The following RALGAPA1 variants were observed in gnomAD, a reference collection of about 807,000 sequenced individuals.
RALGAPA1 encodes Ral GTPase activating protein catalytic subunit alpha 1.
RALGAPA1 carries 52 observed loss-of-function variants against 269.6 expected under a neutral mutation model. The observed-to-expected ratio is 0.19, with a 90% CI of 0.15 to 0.24. The LOEUF (loss-of-function observed/expected upper bound fraction) is 0.24. Among genes scored for constraint, RALGAPA1 ranks in the 10% least tolerant of loss-of-function variants. The probability of loss-of-function intolerance (pLI) is 1.00; values close to 1 mark genes in which losing one functional copy is unlikely to be tolerated. For synonymous variants in RALGAPA1, 817 were observed against 1,008.3 expected (o/e 0.81, Z 3.60); for missense variants, 1,917 against 3,013.9 (o/e 0.64, Z 8.52).
intron 6 of RALGAPA1, among the ~76,000 whole-genome samples, chr14:35,758,825 T>A (rs1381554879): frequency 6.6e-6 from 1 of 152,194 alleles, no homozygotes; most frequent in African/African-American, 2.4e-5. Context: ...AGAACATCTG[T>A]TAAGTAGACC....
At chr14:35,612,069 T>A (rs2059967931) in intron 35 of RALGAPA1, among the ~76,000 whole-genome samples, 1 of 152,032 alleles carries the variant, frequency 6.6e-6, no homozygotes, top group Admixed American at 6.6e-5. Flanking sequence ...ACGAGATATC[T>A]ACATGAAAAA....
chr14:35,570,244 T>G (rs2057069056), intron 39 of RALGAPA1, among the ~76,000 whole-genome samples: 3 of 144,594 alleles, frequency 2.1e-5, no homozygotes, highest in African/African-American at 5.2e-5. Context: ...CACTCCAGCC[T>G]GGGTGACAAA....
At position 35,780,539 on chromosome 14, in the gene RALGAPA1, A is replaced by C. The variant is rs921152065; in HGVS notation, c.107-4794T>G. ...ATGTTATCTGGCCACAGTGGAATGA[A>C]ATTAGAAATCAATAACATAAGGAAA... On this transcript the variant is annotated intron_variant, in intron 1 of 41. Transcript: ENST00000680220. Among the ~76,000 whole-genome samples, 7 of 152,350 alleles carry C rather than the reference A, an allele frequency of 4.6e-5. No homozygotes were observed. In the East Asian group the frequency reaches 1.3e-3, roughly 29 times the overall value.
chr14:35,664,877 A>G (rs2063809364), intron 26 of RALGAPA1, 110 bp from the exon 27 acceptor site: 1 of 930,754 alleles, frequency 1.1e-6, no homozygotes, highest in Non-Finnish European at 1.6e-6. Context: ...ACATAAAACA[A>G]AATTTAAAAA....
At chr14:35,749,113 G>C (rs978536009) in intron 9 of RALGAPA1, among the ~76,000 whole-genome samples, 1 of 152,124 alleles carries the variant, frequency 6.6e-6, no homozygotes, top group Non-Finnish European at 1.5e-5. Context: ...GTTCAAACAA[G>C]TTATTAATCA....
intron 36 of RALGAPA1, among the ~76,000 whole-genome samples, chr14:35,599,002 T>C (rs995599504): frequency 8.5e-5 from 13 of 152,358 alleles, no homozygotes; most frequent in African/African-American, 3.1e-4. Context: ...TACAGTTTTG[T>C]AGTGGTTGCT....
chr14:35,796,788 C>CT (rs528973650), intron 1 of RALGAPA1, among the ~76,000 whole-genome samples: 27 of 148,476 alleles, frequency 1.8e-4, no homozygotes, highest in South Asian at 1.7e-3. Context: ...CAAAAGTATC[C>CT]TTTTTTTTTT....
At chr14:35,608,366 CA>C (rs2059714298) in intron 35 of RALGAPA1, among the ~76,000 whole-genome samples, 1 of 152,102 alleles carries the variant, frequency 6.6e-6, no homozygotes, top group Non-Finnish European at 1.5e-5. Flanking sequence ...AAAAGAAAAA[CA>C]ATTTTTAAAA....
At chr14:35,629,651 C>T (rs565392931) in intron 33 of RALGAPA1, among the ~76,000 whole-genome samples, 10 of 152,152 alleles carry the variant, frequency 6.6e-5, no homozygotes, top group South Asian at 2.1e-4. Context: ...ACTACAGGCG[C>T]GCACCGCCAC....
intron 10 of RALGAPA1, among the ~76,000 whole-genome samples, chr14:35,743,230 T>C (rs766380946): frequency 4.6e-5 from 7 of 152,106 alleles, no homozygotes; most frequent in Non-Finnish European, 1.0e-4. Context: ...CTGCTGTACA[T>C]TTATTTATCG....
intron 41 of RALGAPA1, chr14:35,541,825 T>C (rs1566634550): frequency 2.2e-6 from 1 of 457,486 alleles, no homozygotes; most frequent in South Asian, 1.5e-5. Flanking sequence ...AATGAAGAAA[T>C]GGAGTAGCAA....
chr14:35,590,201 C>T (rs947828946), intron 37 of RALGAPA1, among the ~76,000 whole-genome samples: 3 of 152,152 alleles, frequency 2.0e-5, no homozygotes, highest in African/African-American at 7.2e-5. Flanking sequence ...AATTCTGTAA[C>T]AAACTTTTCA....
intron 17 of RALGAPA1, among the ~76,000 whole-genome samples, chr14:35,698,434 G>A (rs918144331): frequency 1.3e-5 from 2 of 152,070 alleles, no homozygotes; most frequent in Non-Finnish European, 2.9e-5. Context: ...GAGAAATTCT[G>A]TAAATCCCTT....
At chr14:35,727,059 A>G (rs2069999779) in intron 13 of RALGAPA1, among the ~76,000 whole-genome samples, 1 of 152,096 alleles carries the variant, frequency 6.6e-6, no homozygotes, top group South Asian at 2.1e-4. Context: ...TTCTATTAAT[A>G]CTGTTAGTAA....
At chr14:35,736,197 G>A (rs2070981277) in intron 12 of RALGAPA1, among the ~76,000 whole-genome samples, 1 of 152,154 alleles carries the variant, frequency 6.6e-6, no homozygotes, top group African/African-American at 2.4e-5. Context: ...AGAGCTGACA[G>A]GATTTGTCAT....
intron 10 of RALGAPA1, among the ~76,000 whole-genome samples, chr14:35,748,101 T>C (rs1204646422): frequency 2.0e-5 from 3 of 151,964 alleles, no homozygotes; most frequent in African/African-American, 7.2e-5. Flanking sequence ...AGTTTCAATC[T>C]ATAATGAGTA....
At chr14:35,781,019 T>C (rs2075386147) in intron 1 of RALGAPA1, among the ~76,000 whole-genome samples, 1 of 151,836 alleles carries the variant, frequency 6.6e-6, no homozygotes, top group Non-Finnish European at 1.5e-5. Context: ...AAATAAAGAT[T>C]AGAAAGGACA....
intron 16 of RALGAPA1, among the ~76,000 whole-genome samples, chr14:35,716,776 T>A (rs1430839815): frequency 6.6e-6 from 1 of 152,196 alleles, no homozygotes; most frequent in East Asian, 1.9e-4. Flanking sequence ...AGTTGTCTCA[T>A]AATATGTACT....
At chr14:35,767,905 G>C (rs950559218) in intron 4 of RALGAPA1, among the ~76,000 whole-genome samples, 7 of 152,054 alleles carry the variant, frequency 4.6e-5, no homozygotes, top group Non-Finnish European at 8.8e-5. Context: ...CTCCCAAGGA[G>C]CTGGGACGAC....
Sources: allele counts gnomAD v4.1 joint callset (sites outside exome capture counted in the v4.1 genomes callset), GRCh38; gene constraint gnomAD v4.1.1; transcripts MANE v1.5; gene names NCBI Gene and HGNC (gene_info 2026-07-23, HGNC 2026-07-21).